Variants in LSAMP observed in about 807,000 individuals in gnomAD.
LSAMP encodes the protein limbic system-associated membrane protein.
In LSAMP, 7 loss-of-function variants were observed where a neutral mutation model predicts 38.6. That is an observed-to-expected ratio of 0.18 (90% CI 0.10 to 0.34). The LOEUF (loss-of-function observed/expected upper bound fraction) is 0.34, where lower values mean the gene tolerates loss of function less well. LSAMP is among the 10% of genes least tolerant of loss of function. The pLI is 1.00. For synonymous variants in LSAMP, 154 were observed against 166.8 expected (o/e 0.92, Z 0.59); for missense variants, 313 against 420.0 (o/e 0.75, Z 2.23).
At chr3:115,933,922 G>A (rs1937622881) in intron 3 of LSAMP, among the ~76,000 whole-genome samples, 1 of 152,142 alleles carries the variant, frequency 6.6e-6, no homozygotes, top group Admixed American at 6.6e-5. Context: ...AGGGAACAAG[G>A]GGGCAGAAGC....
At chr3:116,409,915 C>T (rs986707534) in intron 1 of LSAMP, among the ~76,000 whole-genome samples, 3 of 152,038 alleles carry the variant, frequency 2.0e-5, no homozygotes, top group Non-Finnish European at 4.4e-5. Flanking sequence ...AGCCAGCTCT[C>T]CCACTACGTG....
intron 4 of LSAMP, among the ~76,000 whole-genome samples, chr3:115,843,351 T>G (rs1051539270): frequency 1.3e-5 from 2 of 152,240 alleles, no homozygotes; most frequent in Non-Finnish European, 2.9e-5. Context: ...ACGCTCTAAT[T>G]TTCCATGACT....
chr3:116,427,538 A>G (rs1175503030), intron 1 of LSAMP, among the ~76,000 whole-genome samples: 1 of 152,208 alleles, frequency 6.6e-6, no homozygotes, highest in Non-Finnish European at 1.5e-5. Flanking sequence ...TTAATGTTTT[A>G]TTTGTACAGG....
In LSAMP at chr3:115,802,737, A is replaced by G. The variant is rs1442896158; in HGVS notation, c.*7580T>C. On this transcript the variant is annotated 3_prime_UTR_variant, in exon 7 of 7. Transcript: ENST00000490035. ...TATATTTATATATATATTTATATGT[A>G]TATAACACTGTTAATAAGGAGAATT... The G allele has an allele frequency of 1.3e-5, 2 of 151,980 alleles. No homozygotes were observed. The highest frequency in any genetic ancestry group is 2.9e-5 in the Non-Finnish European group (2 of 68,008). 9.4% of individuals were successfully genotyped at this position (151,980 alleles called of 1,614,324 possible). A position where few individuals can be genotyped will look rare whatever the true frequency, so the allele number is the denominator to read the frequency against.
chr3:116,264,848 C>A lies in LSAMP; in HGVS notation c.156-178292G>T, dbSNP rs532043274. On this transcript the variant is annotated intron_variant, in intron 1 of 6. Coordinates refer to ENST00000490035, the MANE Select transcript of LSAMP (RefSeq NM_002338.5). ...TCTCAAAAAACTGAGTTTAAACAATCCTCCCACCTTGGCCTCCCAAGTGCT... is the reference window on the plus strand; with the variant it reads ...TCTCAAAAAACTGAGTTTAAACAATACTCCCACCTTGGCCTCCCAAGTGCT... 6.6e-5 allele frequency among the ~76,000 whole-genome samples: 10 copies of A among 152,192 alleles called. No homozygotes were observed. The East Asian group carries it at 1.9e-3, about 29-fold the overall frequency.
intron 1 of LSAMP, among the ~76,000 whole-genome samples, chr3:116,399,785 G>A (rs34690650): frequency 0.01 from 1,574 of 152,310 alleles, 15 homozygotes; most frequent in Middle Eastern, 0.031. Context: ...CAGAGGCTAT[G>A]TGAATTGTCA....
intron 1 of LSAMP, among the ~76,000 whole-genome samples, chr3:116,124,545 T>C (rs1159919685): frequency 6.6e-6 from 1 of 152,234 alleles, no homozygotes; most frequent in East Asian, 1.9e-4. Context: ...TAAATAACTT[T>C]GAAAACATTT....
chr3:115,950,013 A>G (rs1938231203), intron 3 of LSAMP, among the ~76,000 whole-genome samples: 1 of 152,202 alleles, frequency 6.6e-6, no homozygotes, highest in Non-Finnish European at 1.5e-5. Context: ...TAGACACAGA[A>G]AAAGCATTTG....
chr3:116,379,459 G>C (rs1243204303), intron 1 of LSAMP, among the ~76,000 whole-genome samples: 1 of 152,010 alleles, frequency 6.6e-6, no homozygotes, highest in Admixed American at 6.6e-5. Flanking sequence ...GCCAGATCAT[G>C]TGTGGTTTTT....
intron 1 of LSAMP, among the ~76,000 whole-genome samples, chr3:116,090,713 C>T (rs530066210): frequency 1.3e-5 from 2 of 152,164 alleles, no homozygotes; most frequent in South Asian, 4.1e-4. Flanking sequence ...AGACATCACA[C>T]GTTGGTAGGA....
At chr3:116,419,192 A>G (rs1619451) in intron 1 of LSAMP, among the ~76,000 whole-genome samples, 49,173 of 152,088 alleles carry the variant, frequency 0.32, 9,495 homozygotes, top group African/African-American at 0.55. Flanking sequence ...TAAATGAAAC[A>G]ATACTGCCTG....
At chr3:115,904,418 G>A (rs546687360) in intron 3 of LSAMP, among the ~76,000 whole-genome samples, 20 of 152,008 alleles carry the variant, frequency 1.3e-4, no homozygotes, top group Admixed American at 3.9e-4. Flanking sequence ...CAAAGAAAAC[G>A]TCAGTCCCAG....
Position 116,339,133 on chromosome 3 carries a change from A to T in LSAMP, c.155+105744T>A, listed in dbSNP as rs1009511309. ...GAATGACAGGGTGCATTAAAAGCAGAGGCCAGGGAATTTACCAGGCAGGCT... is the reference window on the plus strand; with the variant it reads ...GAATGACAGGGTGCATTAAAAGCAGTGGCCAGGGAATTTACCAGGCAGGCT... On this transcript the variant is annotated intron_variant, in intron 1 of 6. Transcript: ENST00000490035. 2.1e-4 allele frequency among the ~76,000 whole-genome samples: 32 copies of T among 152,020 alleles called. 1 individual carries two copies. The highest frequency in any genetic ancestry group is 7.2e-4 in the African/African-American group (30 of 41,420).
chr3:116,399,752 G>T (rs1266075102), intron 1 of LSAMP, among the ~76,000 whole-genome samples: 1 of 152,198 alleles, frequency 6.6e-6, no homozygotes, highest in East Asian at 1.9e-4. Flanking sequence ...ATCCCATTGA[G>T]CAAACGCTAC....
At chr3:115,856,346 G>A (rs1293148491) in intron 3 of LSAMP, among the ~76,000 whole-genome samples, 1 of 152,184 alleles carries the variant, frequency 6.6e-6, no homozygotes, top group African/African-American at 2.4e-5. Flanking sequence ...GGCTGGGTAT[G>A]GTGGCTTACG....
chr3:116,407,991 G>A (rs901285683), intron 1 of LSAMP, among the ~76,000 whole-genome samples: 1 of 152,002 alleles, frequency 6.6e-6, no homozygotes, highest in African/African-American at 2.4e-5. Context: ...AGAGCCTAAT[G>A]TAAGCTTATT....
chr3:116,164,894 T>C (rs919547918), intron 1 of LSAMP, among the ~76,000 whole-genome samples: 4 of 151,232 alleles, frequency 2.6e-5, no homozygotes, highest in Non-Finnish European at 5.9e-5. Context: ...AGCAAGAGGC[T>C]TCCTATAGGA....
chr3:116,217,315 C>T (rs2046231962), intron 1 of LSAMP, among the ~76,000 whole-genome samples: 1 of 152,158 alleles, frequency 6.6e-6, no homozygotes, highest in Admixed American at 6.6e-5. Flanking sequence ...ACTAAAGAAA[C>T]TGAAGACACA....
At chr3:115,991,325 T>C (rs1365834297) in intron 3 of LSAMP, among the ~76,000 whole-genome samples, 1 of 152,094 alleles carries the variant, frequency 6.6e-6, no homozygotes, top group Non-Finnish European at 1.5e-5. Context: ...TTTAATTTCC[T>C]AATCTTCAGT....
Sources: gnomAD v4.1 joint callset for allele counts (sites outside exome capture counted in the v4.1 genomes callset) on GRCh38, gnomAD v4.1.1 for gene constraint, MANE v1.5 for transcripts, NCBI Gene and HGNC (gene_info 2026-07-23, HGNC 2026-07-21) for gene names.